CALN1: variants seen among roughly 807,000 people sequenced by gnomAD.
CALN1 encodes the protein calcium-binding protein 8.
CALN1 carries 17 observed loss-of-function variants against 30.6 expected under a neutral mutation model. The ratio of observed to expected loss-of-function variants is 0.56; its 90% confidence interval spans 0.38 to 0.83. The LOEUF is 0.83. CALN1 is among the 40% of genes least tolerant of loss of function. The probability of loss-of-function intolerance (pLI) is 0.00; values close to 1 mark genes in which losing one functional copy is unlikely to be tolerated. For missense variants in CALN1, 291 were observed against 354.9 expected (o/e 0.82, Z 1.45); for synonymous variants, 156 against 131.4 (o/e 1.19, Z -1.28).
At chr7:72,472,652 G>A in the CALN1 span, among the ~76,000 whole-genome samples, 3 of 152,092 alleles carry the variant, frequency 2.0e-5, no homozygotes, top group Non-Finnish European at 4.4e-5. Context: ...CGTGGTGGCG[G>A]GCGCCTGTAG....
intron 3 of CALN1, among the ~76,000 whole-genome samples, chr7:72,163,391 T>TAAAAAAAAAAAAAAAAAAAAAAA (rs1563111506): frequency 7.7e-6 from 1 of 130,428 alleles, no homozygotes; most frequent in African/African-American, 2.8e-5. Context: ...TTATTGGAGA[T>TAAAAAAAAAAAAAAAAAAAAAAA]TAAAAAAAAA....
the CALN1 span, among the ~76,000 whole-genome samples, chr7:72,489,016 T>A: frequency 6.6e-6 from 1 of 152,116 alleles, no homozygotes; most frequent in Admixed American, 6.5e-5. Flanking sequence ...AAGATAGATA[T>A]GGTAAAATTT....
chr7:72,202,128 G>C lies in CALN1; in HGVS notation c.244+76558C>G, dbSNP rs183401303. 5.3e-5 allele frequency among the ~76,000 whole-genome samples: 8 copies of C among 152,038 alleles called. No homozygotes were observed. In the East Asian group the frequency reaches 1.5e-3, roughly 29 times the overall value. On this transcript the variant is annotated intron_variant, in intron 3 of 6. Transcript: ENST00000395275. ...AAATGAAATGGAAGGAGATAAAAAG[G>C]GATACAAGTAACATAAGATTTGCAA...
chr7:72,173,814 G>T (rs1050815812), intron 3 of CALN1, among the ~76,000 whole-genome samples: 1 of 151,636 alleles, frequency 6.6e-6, no homozygotes, highest in Non-Finnish European at 1.5e-5. Flanking sequence ...GATCTAAATA[G>T]AAAAACAAAA....
chr7:71,969,953 T>C (rs908053796), intron 5 of CALN1, among the ~76,000 whole-genome samples: 1 of 152,044 alleles, frequency 6.6e-6, no homozygotes, highest in African/African-American at 2.4e-5. Context: ...GCCTTCCAAG[T>C]AGCTGAGACA....
intron 2 of CALN1, among the ~76,000 whole-genome samples, chr7:72,373,588 G>A (rs1804374968): frequency 2.0e-5 from 3 of 152,072 alleles, no homozygotes; most frequent in Admixed American, 6.6e-5. Context: ...CCCAACTATA[G>A]GCTAATATAA....
chr7:72,210,280 C>G (rs1462000741), intron 3 of CALN1, among the ~76,000 whole-genome samples: 1 of 152,110 alleles, frequency 6.6e-6, no homozygotes, highest in Admixed American at 6.6e-5. Flanking sequence ...TCAAGCTTCT[C>G]TATGGTGTAC....
chr7:72,258,726 T>C (rs1399629411), intron 3 of CALN1, among the ~76,000 whole-genome samples: 2 of 152,056 alleles, frequency 1.3e-5, no homozygotes, highest in African/African-American at 4.8e-5. Context: ...AAGACCAGCC[T>C]GGCCAACATG....
At chr7:72,412,022 G>A (rs778075797) in intron 1 of CALN1, 36 bp downstream of exon 1, 6 of 152,194 alleles carry the variant, frequency 3.9e-5, no homozygotes, top group African/African-American at 1.4e-4. Context: ...ACTGCATGCA[G>A]CTGAGCCCAC....
chr7:72,133,405 T>TATGA (rs990147393), intron 3 of CALN1, among the ~76,000 whole-genome samples: 5 of 152,206 alleles, frequency 3.3e-5, no homozygotes, highest in Admixed American at 6.5e-5. Flanking sequence ...TCCATACTGA[T>TATGA]ATGAATGAAT....
chr7:72,374,526 G>A (rs1394712222), intron 2 of CALN1, among the ~76,000 whole-genome samples: 1 of 118,528 alleles, frequency 8.4e-6, no homozygotes, highest in African/African-American at 3.2e-5. Flanking sequence ...GAGACACTCT[G>A]TCTCCAAAAA....
chr7:71,926,887 A>G (rs1380908063), intron 5 of CALN1, among the ~76,000 whole-genome samples: 3 of 151,974 alleles, frequency 2.0e-5, no homozygotes, highest in Admixed American at 2.0e-4. Flanking sequence ...TCCACCATGC[A>G]TATTGCCTAC....
At chr7:72,199,837 A>G (rs1268659236) in intron 3 of CALN1, among the ~76,000 whole-genome samples, 1 of 152,028 alleles carries the variant, frequency 6.6e-6, no homozygotes. Flanking sequence ...CCCAACAAAC[A>G]AAACAACAAC....
chr7:72,365,412 T>C (rs1418333787), intron 2 of CALN1, among the ~76,000 whole-genome samples: 1 of 152,064 alleles, frequency 6.6e-6, no homozygotes, highest in Non-Finnish European at 1.5e-5. Context: ...AATAAACAAC[T>C]AGCAAAGTGC....
At chr7:72,031,685 A>G (rs894708536) in intron 4 of CALN1, among the ~76,000 whole-genome samples, 1 of 151,150 alleles carries the variant, frequency 6.6e-6, no homozygotes, top group African/African-American at 2.4e-5. Flanking sequence ...TTCCCACCTC[A>G]GCCTCACGAG....
chr7:72,390,090 C>T (rs182257471), intron 2 of CALN1, among the ~76,000 whole-genome samples: 1 of 151,988 alleles, frequency 6.6e-6, no homozygotes, highest in Non-Finnish European at 1.5e-5. Flanking sequence ...GGGGTAGGAC[C>T]TTTGCCCTGG....
chr7:72,442,623 T>C (rs566893932), intron 1 of CALN1, among the ~76,000 whole-genome samples: 3 of 152,340 alleles, frequency 2.0e-5, no homozygotes, highest in South Asian at 2.1e-4. Flanking sequence ...TTGCACTTTA[T>C]TCAAGGTTGC....
chr7:72,395,333 TACACACACACGCTGCGCACGCGCGCGC>T (rs1805851294), intron 2 of CALN1, among the ~76,000 whole-genome samples: 1 of 142,280 alleles, frequency 7.0e-6, no homozygotes, highest in Non-Finnish European at 1.5e-5. Flanking sequence ...AGCAAACACA[TACACACACACGCTGCGCACGCGCGCGC>T]ACACACACAC....
chr7:72,389,563 T>C (rs1005823130), intron 2 of CALN1, among the ~76,000 whole-genome samples: 1 of 152,136 alleles, frequency 6.6e-6, no homozygotes, highest in Non-Finnish European at 1.5e-5. Context: ...CCTTAAGAAG[T>C]CAAATGACTG....
Sources: gnomAD v4.1 joint callset for allele counts (sites outside exome capture counted in the v4.1 genomes callset) on GRCh38, gnomAD v4.1.1 for gene constraint, MANE v1.5 for transcripts, NCBI Gene and HGNC (gene_info 2026-07-23, HGNC 2026-07-21) for gene names.